The following ATG5 variants were observed in gnomAD, a reference collection of about 807,000 sequenced individuals.
The protein encoded by ATG5 is autophagy protein 5.
In ATG5, 14 loss-of-function variants were observed where a neutral mutation model predicts 36.5. The observed-to-expected ratio is 0.38, with a 90% confidence interval of 0.25 to 0.60. The LOEUF is 0.60. Ranked by LOEUF, ATG5 falls within the 20% of genes least tolerant of loss-of-function variation. ATG5 has a pLI of 0.60. For synonymous variants in ATG5, 95 were observed against 101.5 expected, an observed-to-expected ratio of 0.94 and a Z score of 0.38; for missense variants, 195 against 326.7, an observed-to-expected ratio of 0.60 and a Z score of 3.11.
chr6:106,288,191 A>T (rs1221400547), intron 4 of ATG5, among the ~76,000 whole-genome samples: 1 of 151,988 alleles, frequency 6.6e-6, no homozygotes, highest in Non-Finnish European at 1.5e-5. Context: ...GGCAGGCCTC[A>T]AACTCCTGAC....
rs138176270 is a variant in ATG5, at chr6:106,232,989, C to T, written c.573+15161G>A. On this transcript the variant is annotated intron_variant, in intron 6 of 7. Transcript: ENST00000369076. Reference sequence around the variant, plus strand: ...GATAGCCCCCATCTATTTGGCCAGGCATTAGCCCAAGACTTGAGCCGGTTC... The same window carrying T: ...GATAGCCCCCATCTATTTGGCCAGGTATTAGCCCAAGACTTGAGCCGGTTC... 3.5e-3 allele frequency among the ~76,000 whole-genome samples: 529 copies of T among 152,324 alleles called. 1 individual carries two copies. The highest frequency in any genetic ancestry group is 0.012 in the African/African-American group (501 of 41,576).
chr6:106,253,985 G>C (rs1778700872), intron 5 of ATG5, among the ~76,000 whole-genome samples: 2 of 152,116 alleles, frequency 1.3e-5, no homozygotes, highest in Admixed American at 6.5e-5. Context: ...CCCTTGGAAA[G>C]TTATTGCTGC....
chr6:106,261,221 C>T lies in ATG5; in HGVS notation c.479-12977G>A, dbSNP rs138411427. Among the ~76,000 whole-genome samples the T allele has an allele frequency of 6.8e-3, 1,043 of 152,328 alleles. 5 individuals carry two copies. The highest frequency in any genetic ancestry group is 0.016 in the South Asian group (77 of 4,826). ...CAAAAAATGTAAGCAGAATGTCTTA[C>T]TGCAACGACAGCATACTATTGATTC... On this transcript the variant is annotated intron_variant, in intron 5 of 7. Coordinates refer to ENST00000369076, the MANE Select transcript of ATG5 (RefSeq NM_004849.4).
At chr6:106,239,564 T>C (rs1364241750) in intron 6 of ATG5, among the ~76,000 whole-genome samples, 1 of 152,084 alleles carries the variant, frequency 6.6e-6, no homozygotes, top group East Asian at 1.9e-4. Flanking sequence ...CCAACAGATA[T>C]CAGAACGCTA....
chr6:106,218,475 G>A (rs891213986), intron 6 of ATG5, among the ~76,000 whole-genome samples: 1 of 152,120 alleles, frequency 6.6e-6, no homozygotes. Flanking sequence ...TATGTGATAT[G>A]GCTTAGAAAG....
At chr6:106,236,171 T>C (rs1190291454) in intron 6 of ATG5, among the ~76,000 whole-genome samples, 2 of 152,280 alleles carry the variant, frequency 1.3e-5, no homozygotes. Flanking sequence ...TTATTGCATG[T>C]ATTATTCCTT....
At chr6:106,227,108 C>T (rs1156849848) in intron 6 of ATG5, among the ~76,000 whole-genome samples, 1 of 151,596 alleles carries the variant, frequency 6.6e-6, no homozygotes, top group African/African-American at 2.4e-5. Flanking sequence ...AGAAGATAAA[C>T]AAACTAAAAA....
chr6:106,245,880 CAGATATAA>C (rs1315163010), intron 6 of ATG5, among the ~76,000 whole-genome samples: 1 of 152,046 alleles, frequency 6.6e-6, no homozygotes, highest in Non-Finnish European at 1.5e-5. Context: ...ACAAACTAAT[CAGATATAA>C]AGAAGTCAGC....
Position 106,308,315 on chromosome 6 carries a change from T to C in ATG5, c.236+49A>G. On this transcript the variant is annotated intron_variant, in intron 3 of 7. Coordinates refer to ENST00000369076, the MANE Select transcript of ATG5 (RefSeq NM_004849.4). ...ATTGTTTCAGGGCACTATACCTTTTTAAAGCTAGTATATACTTAATGCTTA... is the reference window on the plus strand; with the variant it reads ...ATTGTTTCAGGGCACTATACCTTTTCAAAGCTAGTATATACTTAATGCTTA... 3 of 1,434,824 alleles carry C rather than the reference T, an allele frequency of 2.1e-6. No individual in the cohort carries two copies. The South Asian group carries it at 5.0e-5, about 24-fold the overall frequency. The allele number at this position is 1,434,824 out of a possible 1,614,324, so 88.9% of individuals were successfully genotyped here.
At chr6:106,235,431 G>T (rs1222563270) in intron 6 of ATG5, among the ~76,000 whole-genome samples, 2 of 152,112 alleles carry the variant, frequency 1.3e-5, no homozygotes, top group African/African-American at 4.8e-5. Flanking sequence ...AGTTAGACTG[G>T]TCGTCAGCCA....
intron 5 of ATG5, among the ~76,000 whole-genome samples, chr6:106,278,133 G>A (rs1779734529): frequency 6.6e-6 from 1 of 152,014 alleles, no homozygotes; most frequent in African/African-American, 2.4e-5. Flanking sequence ...CAGTGATGAG[G>A]TCTTGCTATG....
At chr6:106,231,027 A>AC (rs1325207029) in intron 6 of ATG5, among the ~76,000 whole-genome samples, 8 of 151,012 alleles carry the variant, frequency 5.3e-5, no homozygotes, top group Non-Finnish European at 1.2e-4. Context: ...AATAATAAGG[A>AC]CCCCCCTTCA....
chr6:106,237,088 T>C (rs2114481977), intron 6 of ATG5, among the ~76,000 whole-genome samples: 1 of 152,278 alleles, frequency 6.6e-6, no homozygotes, highest in African/African-American at 2.4e-5. Flanking sequence ...GTACCTGAAA[T>C]AGCCCTACTG....
intron 3 of ATG5, among the ~76,000 whole-genome samples, chr6:106,303,793 A>T (rs1770307487): frequency 6.6e-6 from 1 of 152,166 alleles, no homozygotes; most frequent in Non-Finnish European, 1.5e-5. Context: ...CAACCAGCTA[A>T]GGAAGAAAAG....
At chr6:106,249,869 T>G (rs548166855) in intron 5 of ATG5, among the ~76,000 whole-genome samples, 3 of 152,360 alleles carry the variant, frequency 2.0e-5, no homozygotes, top group African/African-American at 7.2e-5. Context: ...ATGCTGAGCA[T>G]CTTCTCATGT....
At chr6:106,278,081 G>A (rs1175322201) in intron 5 of ATG5, among the ~76,000 whole-genome samples, 1 of 151,874 alleles carries the variant, frequency 6.6e-6, no homozygotes, top group African/African-American at 2.4e-5. Flanking sequence ...TAGGACTGTC[G>A]GCACATGCGA....
intron 7 of ATG5, among the ~76,000 whole-genome samples, chr6:106,200,835 GT>G (rs1776400231): frequency 6.6e-6 from 1 of 152,016 alleles, no homozygotes; most frequent in Non-Finnish European, 1.5e-5. Context: ...TTCCCCTATA[GT>G]TTAGTAAGCA....
At chr6:106,196,722 C>CAAA (rs34507159) in intron 7 of ATG5, among the ~76,000 whole-genome samples, 1 of 138,276 alleles carries the variant, frequency 7.2e-6, no homozygotes. Flanking sequence ...GAATCAGTCT[C>CAAA]AAAAAAAAAA....
intron 7 of ATG5, among the ~76,000 whole-genome samples, chr6:106,187,444 A>G (rs578203483): frequency 7.2e-5 from 11 of 152,264 alleles, no homozygotes; most frequent in African/African-American, 2.2e-4. Context: ...AAGTAAATAT[A>G]AAGATTTTTG....
Sources: allele counts gnomAD v4.1 joint callset (sites outside exome capture counted in the v4.1 genomes callset), GRCh38; gene constraint gnomAD v4.1.1; transcripts MANE v1.5; gene names NCBI Gene and HGNC (gene_info 2026-07-23, HGNC 2026-07-21).